DRC11: variants seen among roughly 807,000 people sequenced by gnomAD.
DRC11 encodes the protein IQ and AAA domain-containing protein 1.
At chr2:236,423,927 C>T in the DRC11 span, among the ~76,000 whole-genome samples, 1 of 151,962 alleles carries the variant, frequency 6.6e-6, no homozygotes, top group South Asian at 2.1e-4. Flanking sequence ...TGGAAACCAT[C>T]ATTCTGCGCA....
At chr2:236,417,102 T>A in the DRC11 span, among the ~76,000 whole-genome samples, 2 of 151,778 alleles carry the variant, frequency 1.3e-5, no homozygotes, top group Non-Finnish European at 2.9e-5. Context: ...ACTCCTGACC[T>A]CAGGTGATCT....
chr2:236,368,359 A>G, the DRC11 span: 1 of 1,035,546 alleles, frequency 9.7e-7, no homozygotes, highest in Non-Finnish European at 1.4e-6. Context: ...TCTGAGCTGC[A>G]TAATTTTGGC....
the DRC11 span, among the ~76,000 whole-genome samples, chr2:236,351,318 C>T: frequency 5.4e-5 from 8 of 147,736 alleles, no homozygotes; most frequent in African/African-American, 1.2e-4. The surrounding 1 kb of genome is among the most constrained non-coding windows in gnomAD (Gnocchi z 7.3). Context: ...GAGAAGTGGG[C>T]GGGTGGGGGG....
At chr2:236,310,164 T>G in the DRC11 span, among the ~76,000 whole-genome samples, 1 of 152,176 alleles carries the variant, frequency 6.6e-6, no homozygotes, top group African/African-American at 2.4e-5. The surrounding 1 kb of genome is among the most constrained non-coding windows in gnomAD (Gnocchi z 5.5). Flanking sequence ...CTTTGCTGTC[T>G]GGTTGCCACC....
chr2:236,489,367 G>C, the DRC11 span, among the ~76,000 whole-genome samples: 1 of 145,398 alleles, frequency 6.9e-6, no homozygotes, highest in Non-Finnish European at 1.5e-5. Flanking sequence ...ACATGCTGGG[G>C]CCTGTGTGGG....
At chr2:236,451,804 TG>T in the DRC11 span, among the ~76,000 whole-genome samples, 1 of 152,220 alleles carries the variant, frequency 6.6e-6, no homozygotes, top group Non-Finnish European at 1.5e-5. Flanking sequence ...CCAGGGCAGC[TG>T]CCATTGATTA....
At chr2:236,370,184 G>T in the DRC11 span, among the ~76,000 whole-genome samples, 36 of 152,308 alleles carry the variant, frequency 2.4e-4, no homozygotes, top group African/African-American at 8.2e-4. The surrounding 1 kb of genome is among the most constrained non-coding windows in gnomAD (Gnocchi z 5.5). Flanking sequence ...GAAGATAAAA[G>T]CAGAGAGGGA....
At chr2:236,331,246 A>G in the DRC11 span, 1 of 774,036 alleles carries the variant, frequency 1.3e-6, no homozygotes, top group Non-Finnish European at 2.2e-6. The surrounding 1 kb of genome is among the most constrained non-coding windows in gnomAD (Gnocchi z 4.8). Flanking sequence ...AGGTTTCCAA[A>G]TTTCACTGTA....
the DRC11 span, among the ~76,000 whole-genome samples, chr2:236,350,029 A>G: frequency 0.16 from 24,670 of 152,190 alleles, 2,064 homozygotes; most frequent in Admixed American, 0.2. The surrounding 1 kb of genome is among the most constrained non-coding windows in gnomAD (Gnocchi z 5.2). Flanking sequence ...CCAGATGGGA[A>G]TTGCAGATGT....
At chr2:236,315,770 G>A in the DRC11 span, among the ~76,000 whole-genome samples, 5 of 152,068 alleles carry the variant, frequency 3.3e-5, no homozygotes, top group African/African-American at 9.7e-5. This position sits in a 1 kb window ranked among gnomAD's most constrained non-coding sequence, Gnocchi z 5.1. Flanking sequence ...ACCAAACACC[G>A]CATATTCTCA....
the DRC11 span, among the ~76,000 whole-genome samples, chr2:236,323,331 C>A: frequency 4.6e-5 from 7 of 152,228 alleles, no homozygotes; most frequent in South Asian, 1.5e-3. This position sits in a 1 kb window ranked among gnomAD's most constrained non-coding sequence, Gnocchi z 6.4. Context: ...TTTGGCTAGA[C>A]ATAATCTGAA....
At chr2:236,500,950 G>A in the DRC11 span, among the ~76,000 whole-genome samples, 5 of 152,080 alleles carry the variant, frequency 3.3e-5, no homozygotes, top group Non-Finnish European at 5.9e-5. This position sits in a 1 kb window ranked among gnomAD's most constrained non-coding sequence, Gnocchi z 6.3. Context: ...TGCCCACCTC[G>A]GCCTCCCAAA....
At chr2:236,442,720 A>C in the DRC11 span, among the ~76,000 whole-genome samples, 12 of 152,358 alleles carry the variant, frequency 7.9e-5, no homozygotes, top group African/African-American at 2.9e-4. Context: ...TTAATTAATA[A>C]CACTACAGAT....
chr2:236,324,840 C>T, the DRC11 span: 3 of 1,252,856 alleles, frequency 2.4e-6, no homozygotes, highest in South Asian at 2.6e-5. This position sits in a 1 kb window ranked among gnomAD's most constrained non-coding sequence, Gnocchi z 5.7. Context: ...CACCGCAATA[C>T]TCTTAAAAAT....
the DRC11 span, among the ~76,000 whole-genome samples, chr2:236,407,534 A>C: frequency 3.3e-5 from 5 of 152,126 alleles, no homozygotes; most frequent in African/African-American, 1.2e-4. Context: ...CCTTATAATG[A>C]ATGAATCTTT....
chr2:236,424,627 A>AAAATTTTTAAAAAT, the DRC11 span, among the ~76,000 whole-genome samples: 59 of 150,762 alleles, frequency 3.9e-4, 2 homozygotes, highest in African/African-American at 1.4e-3. Flanking sequence ...TAACATGTCC[A>AAAATTTTTAAAAAT]TCACCTTACA....
chr2:236,504,603 C>T, the DRC11 span, among the ~76,000 whole-genome samples: 1 of 152,198 alleles, frequency 6.6e-6, no homozygotes, highest in Admixed American at 6.5e-5. The surrounding 1 kb of genome is among the most constrained non-coding windows in gnomAD (Gnocchi z 5.0). Context: ...CAACTCTGGA[C>T]ACCTCCAGGG....
the DRC11 span, among the ~76,000 whole-genome samples, chr2:236,374,255 A>G: frequency 6.6e-6 from 1 of 152,026 alleles, no homozygotes; most frequent in African/African-American, 2.4e-5. Flanking sequence ...CTATTTTACT[A>G]TGTGGGGATT....
the DRC11 span, chr2:236,465,720 T>C: frequency 1.3e-5 from 20 of 1,558,898 alleles, no homozygotes; most frequent in African/African-American, 1.8e-4. The surrounding 1 kb of genome is among the most constrained non-coding windows in gnomAD (Gnocchi z 6.2). Context: ...TCTGAAAATA[T>C]ATACAAGCAA....
Sources: gnomAD v4.1 joint callset for allele counts (sites outside exome capture counted in the v4.1 genomes callset) on GRCh38, gnomAD v4.1.1 for gene constraint, Gnocchi (gnomAD v3.1) non-coding constraint, MANE v1.5 for transcripts, NCBI Gene and HGNC (gene_info 2026-07-23, HGNC 2026-07-21) for gene names.